Variants in SYT1 observed in about 807,000 individuals in gnomAD.
The protein encoded by SYT1 is synaptotagmin-1.
A neutral mutation model predicts 44.8 loss-of-function variants in SYT1; 8 were observed. The ratio of observed to expected loss-of-function variants is 0.18; its 90% CI spans 0.10 to 0.32. The LOEUF (loss-of-function observed/expected upper bound fraction) is 0.32, where lower values mean the gene tolerates loss of function less well. SYT1 is among the 10% of genes least tolerant of loss of function. The pLI is 1.00. For synonymous variants in SYT1, 154 were observed against 188.8 expected, an observed-to-expected ratio of 0.82 and a Z score of 1.51; for missense variants, 286 against 509.3, an observed-to-expected ratio of 0.56 and a Z score of 4.22.
At chr12:79,188,293 A>T (rs1232482426) in intron 3 of SYT1, among the ~76,000 whole-genome samples, 2 of 152,114 alleles carry the variant, frequency 1.3e-5, no homozygotes, top group Non-Finnish European at 2.9e-5. Context: ...ATGCCTTATG[A>T]AAAATGGATT....
intron 2 of SYT1, among the ~76,000 whole-genome samples, chr12:79,039,021 T>A (rs1873330276): frequency 6.6e-6 from 1 of 152,008 alleles, no homozygotes; most frequent in African/African-American, 2.4e-5. Context: ...AATAGTTGTC[T>A]TCCTCCCCAA....
chr12:78,957,885 G>A (rs1879292881), intron 1 of SYT1, among the ~76,000 whole-genome samples: 2 of 152,086 alleles, frequency 1.3e-5, no homozygotes, highest in Admixed American at 1.3e-4. Flanking sequence ...AATTGCTTAA[G>A]ACTTTAAAAT....
chr12:79,124,002 A>T (rs1868330006), intron 3 of SYT1, among the ~76,000 whole-genome samples: 1 of 152,228 alleles, frequency 6.6e-6, no homozygotes, highest in Non-Finnish European at 1.5e-5. Context: ...TATCAAGCAC[A>T]TACTATGCGC....
At chr12:78,878,406 T>C in intron 1 of SYT1, among the ~76,000 whole-genome samples, 1 of 151,800 alleles carries the variant, frequency 6.6e-6, no homozygotes, top group East Asian at 1.9e-4. Context: ...AGTGCTAACA[T>C]GTGAAGGTCT....
At chr12:79,382,583 AAAAAG>A (rs1204763184) in intron 9 of SYT1, among the ~76,000 whole-genome samples, 5 of 152,194 alleles carry the variant, frequency 3.3e-5, no homozygotes, top group Non-Finnish European at 1.5e-5. Flanking sequence ...GGAAGTTAAA[AAAAAG>A]AAAAGAAAAA....
chr12:78,966,895 ACT>A (rs1010920496), intron 1 of SYT1, among the ~76,000 whole-genome samples: 3 of 152,066 alleles, frequency 2.0e-5, no homozygotes, highest in African/African-American at 7.2e-5. Context: ...ATGCTGCTAA[ACT>A]CTCTTTAACT....
chr12:79,234,834 C>T (rs1343431868), intron 4 of SYT1, among the ~76,000 whole-genome samples: 1 of 151,842 alleles, frequency 6.6e-6, no homozygotes, highest in Non-Finnish European at 1.5e-5. Flanking sequence ...TCTCAGCCTC[C>T]TGAGTAGCTG....
chr12:79,340,792 A>G (rs1882333647), intron 8 of SYT1, among the ~76,000 whole-genome samples: 1 of 152,162 alleles, frequency 6.6e-6, no homozygotes, highest in South Asian at 2.1e-4. Context: ...GCTTTAGCTA[A>G]AGGTAATAAA....
At chr12:78,915,912 T>C (rs1283617747) in intron 1 of SYT1, among the ~76,000 whole-genome samples, 1 of 152,034 alleles carries the variant, frequency 6.6e-6, no homozygotes, top group East Asian at 1.9e-4. Flanking sequence ...TTATTAAGAT[T>C]CCCTAATGCA....
At chr12:78,876,100 T>C (rs1183806310) in intron 1 of SYT1, among the ~76,000 whole-genome samples, 1 of 151,646 alleles carries the variant, frequency 6.6e-6, no homozygotes, top group Non-Finnish European at 1.5e-5. Flanking sequence ...AAAACTCTAA[T>C]TTAGATTTTG....
At chr12:79,347,127 G>A (rs1002836995) in intron 8 of SYT1, among the ~76,000 whole-genome samples, 6 of 150,638 alleles carry the variant, frequency 4.0e-5, no homozygotes, top group Non-Finnish European at 7.4e-5. Flanking sequence ...GATTGCAGAT[G>A]GATTTTCCAA....
intron 1 of SYT1, among the ~76,000 whole-genome samples, chr12:78,923,300 T>A (rs539421033): frequency 3.9e-5 from 6 of 151,994 alleles, no homozygotes; most frequent in Non-Finnish European, 8.8e-5. Flanking sequence ...CCAGCACTTA[T>A]TGGGCAATGC....
intron 1 of SYT1, 30 bp from the exon 2 acceptor site, chr12:78,977,769 C>T (rs915916256): frequency 6.6e-6 from 1 of 152,194 alleles, no homozygotes; most frequent in Non-Finnish European, 1.5e-5. Context: ...CTAGCATTTT[C>T]ACAGATTCTA....
intron 9 of SYT1, among the ~76,000 whole-genome samples, chr12:79,408,520 C>T (rs1868314918): frequency 6.6e-6 from 1 of 152,090 alleles, no homozygotes; most frequent in Non-Finnish European, 1.5e-5. Flanking sequence ...TCAGCCCATG[C>T]TTTCATGTGG....
intron 1 of SYT1, among the ~76,000 whole-genome samples, chr12:78,942,452 C>A (rs1290933600): frequency 6.6e-6 from 1 of 152,158 alleles, no homozygotes; most frequent in Non-Finnish European, 1.5e-5. Flanking sequence ...CTTTCCAATT[C>A]TCTTCCTCCC....
chr12:79,034,026 G>A (rs1872974462), intron 2 of SYT1, among the ~76,000 whole-genome samples: 1 of 151,378 alleles, frequency 6.6e-6, no homozygotes. Flanking sequence ...CAAATGTTTT[G>A]AACTTCTCAT....
chr12:79,001,260 T>TAA (rs11315867), intron 2 of SYT1, among the ~76,000 whole-genome samples: 4 of 145,006 alleles, frequency 2.8e-5, no homozygotes, highest in African/African-American at 7.5e-5. Context: ...TCATTTCTTT[T>TAA]AAAAAAAAAA....
chr12:79,043,900 G>A (rs1293111685), intron 2 of SYT1, among the ~76,000 whole-genome samples: 1 of 152,106 alleles, frequency 6.6e-6, no homozygotes, highest in Non-Finnish European at 1.5e-5. Flanking sequence ...TAGTTTGGCT[G>A]GATATGAAAT....
chr12:78,948,050 GA>G (rs1878763856), intron 1 of SYT1, among the ~76,000 whole-genome samples: 1 of 151,646 alleles, frequency 6.6e-6, no homozygotes, highest in Non-Finnish European at 1.5e-5. Flanking sequence ...AATAGTTATG[GA>G]AAAAGATACA....
Sources: allele counts gnomAD v4.1 joint callset (sites outside exome capture counted in the v4.1 genomes callset), GRCh38; gene constraint gnomAD v4.1.1; transcripts MANE v1.5; gene names NCBI Gene and HGNC (gene_info 2026-07-23, HGNC 2026-07-21).